The following TSPAN3 variants were observed in gnomAD, a reference collection of about 807,000 sequenced individuals.
TSPAN3 encodes tetraspanin 3, also known as tetraspanin-3.
In TSPAN3, 9 loss-of-function variants were observed where a neutral mutation model predicts 31.1. The ratio of observed to expected loss-of-function variants is 0.29; its 90% CI spans 0.17 to 0.50. TSPAN3 has a LOEUF of 0.50. Among genes scored for constraint, TSPAN3 ranks in the 20% least tolerant of loss-of-function variants. The pLI is 0.98. For synonymous variants in TSPAN3, 129 were observed against 114.3 expected (o/e 1.13, Z -0.82); for missense variants, 252 against 313.5 (o/e 0.80, Z 1.48).
intron 6 of TSPAN3, among the ~76,000 whole-genome samples, chr15:77,051,491 G>A (rs1470034776): frequency 6.6e-6 from 1 of 150,486 alleles, no homozygotes; most frequent in Non-Finnish European, 1.5e-5. Context: ...TCACACCATT[G>A]CACTCTAGCC....
intron 1 of TSPAN3, among the ~76,000 whole-genome samples, chr15:77,068,770 G>A (rs1476540648): frequency 6.6e-6 from 1 of 152,168 alleles, no homozygotes; most frequent in East Asian, 1.9e-4. Context: ...GTTTGTTGAG[G>A]ATGATGGCTT....
In TSPAN3 at chr15:77,070,872, C is replaced by T; in HGVS notation, c.63+20G>A. On this transcript the variant is annotated intron_variant, in intron 1 of 6. Transcript: ENST00000267970. ...GCCCGGCCCCGCCGCCGGCCCCTCG[C>T]TCTGCCCGGCCCCGCTCACCCAGAA... 7.5e-7 allele frequency: 1 copy of T among 1,327,186 alleles called. No homozygotes were observed. Among genetic ancestry groups the T allele is most frequent in the East Asian group, 3.4e-5 (1 of 29,398 alleles). 82.2% of individuals were successfully genotyped at this position (1,327,186 alleles called of 1,614,324 possible).
chr15:77,063,448 G>A (rs1363394893), intron 1 of TSPAN3: 1 of 151,826 alleles, frequency 6.6e-6, no homozygotes, highest in Non-Finnish European at 1.5e-5. Context: ...CCTTCCCTCA[G>A]GGGATCCTCT....
At chr15:77,069,615 T>C (rs1351908311) in intron 1 of TSPAN3, among the ~76,000 whole-genome samples, 2 of 152,220 alleles carry the variant, frequency 1.3e-5, no homozygotes, top group Non-Finnish European at 2.9e-5. Context: ...CGAAGGACTC[T>C]GGCAATACAA....
rs1457793552 is a variant in TSPAN3 at position 77,044,617 on chromosome 15, C to T, written c.*2218G>A. ...CACACGGGAGGAGGCTGCTCTCTCA[C>T]CAGGCAAACTGAGGACTGAGTACAG... is the stretch of plus-strand genomic sequence containing the variant. On this transcript the variant is annotated 3_prime_UTR_variant, in exon 7 of 7. Coordinates refer to ENST00000267970, the MANE Select transcript of TSPAN3 (RefSeq NM_005724.6). The T allele has an allele frequency of 1.3e-5, 2 of 152,246 alleles. No homozygotes were observed. Among genetic ancestry groups the T allele is most frequent in the East Asian group, 1.9e-4 (1 of 5,206 alleles). 9.4% of individuals were successfully genotyped at this position (152,246 alleles called of 1,614,324 possible). A position where few individuals can be genotyped will look rare whatever the true frequency, so the allele number is the denominator to read the frequency against.
intron 4 of TSPAN3, among the ~76,000 whole-genome samples, chr15:77,053,271 G>A (rs1392424822): frequency 2.0e-5 from 3 of 151,546 alleles, no homozygotes; most frequent in Admixed American, 6.6e-5. Flanking sequence ...CGAGATGGGC[G>A]AGTCACCTGA....
chr15:77,052,470 T>C lies in TSPAN3; in HGVS notation c.586-2A>G, dbSNP rs2076738774. The C allele has an allele frequency of 6.2e-7, 1 of 1,613,418 alleles. No individual in the cohort carries two copies. Among genetic ancestry groups the C allele is most frequent in the South Asian group, 1.1e-5 (1 of 91,072 alleles). ...CTTCACTACTAGAGCCTCACACCCC[T>C]GTAACAAACACAGTCATCCTCGTTA... On this transcript the variant is annotated splice_acceptor_variant, in intron 5 of 6. Coordinates refer to ENST00000267970, the MANE Select transcript of TSPAN3 (RefSeq NM_005724.6). LOFTEE classifies it high-confidence loss of function.
At chr15:77,056,372 T>TTTACTGAAA in intron 1 of TSPAN3, 117 bp from the exon 2 acceptor site, 2 of 726,246 alleles carry the variant, frequency 2.8e-6, no homozygotes, top group Non-Finnish European at 4.1e-6. Flanking sequence ...CTTTTTTCAG[T>TTTACTGAAA]AAAGCTGAAA....
At chr15:77,053,451 CAAAAAAAAAAAAAAAAAAAAAAAAA>C (rs60483848) in intron 4 of TSPAN3, among the ~76,000 whole-genome samples, 21,405 of 50,886 alleles carry the variant, frequency 0.42, 2,113 homozygotes, top group Middle Eastern at 0.54. Context: ...TTCGCCATCT[CAAAAAAAAAAAAAAAAAAAAAAAAA>C]AAAAAAAAAA....
intron 6 of TSPAN3, among the ~76,000 whole-genome samples, chr15:77,049,286 C>T (rs973991122): frequency 1.3e-5 from 2 of 152,076 alleles, no homozygotes; most frequent in African/African-American, 2.4e-5. Flanking sequence ...GCTTCACATG[C>T]GGCACAGAGA....
chr15:77,069,425 C>A lies in TSPAN3; in HGVS notation c.63+1467G>T, dbSNP rs540434130. Among the ~76,000 whole-genome samples the A allele has an allele frequency of 9.2e-5, 14 of 152,104 alleles. No individual in the cohort carries two copies. The South Asian group carries it at 1.5e-3, about 16-fold the overall frequency. On this transcript the variant is annotated intron_variant, in intron 1 of 6. Coordinates refer to ENST00000267970, the MANE Select transcript of TSPAN3 (RefSeq NM_005724.6). The stretch of plus-strand genomic sequence containing the variant: ...TTCTATATGTGCATTTCATTCTTCA[C>A]AATAAACTCAAGAAACTGAAAAAAT...
rs539770376 is a variant in TSPAN3, at chr15:77,069,298, T to C, written c.63+1594A>G. 3.9e-5 allele frequency among the ~76,000 whole-genome samples: 6 copies of C among 152,284 alleles called. No homozygotes were observed. The East Asian group carries it at 1.2e-3, about 29-fold the overall frequency. ...GCATAAGTAGCAGTAGGTATATAGA[T>C]ACGTATTAAATTAGCAAAAGATGCC... On this transcript the variant is annotated intron_variant, in intron 1 of 6. Coordinates refer to ENST00000267970, the MANE Select transcript of TSPAN3 (RefSeq NM_005724.6).
At chr15:77,057,812 T>C (rs1412653843) in intron 1 of TSPAN3, among the ~76,000 whole-genome samples, 1 of 152,178 alleles carries the variant, frequency 6.6e-6, no homozygotes, top group Non-Finnish European at 1.5e-5. Context: ...TCATTAGTCA[T>C]TGTAGCTCAC....
At chr15:77,054,764 G>A (rs2076757247) in intron 3 of TSPAN3, 1 of 152,172 alleles carries the variant, frequency 6.6e-6, no homozygotes, top group Non-Finnish European at 1.5e-5. Context: ...AAAAGTAATC[G>A]GCAGGTTTAA....
intron 1 of TSPAN3, chr15:77,064,439 A>AAT (rs1427120933): frequency 6.6e-6 from 1 of 152,258 alleles, no homozygotes; most frequent in African/African-American, 2.4e-5. Context: ...TGAAAAAAAA[A>AAT]ATCAAACAAG....
Position 77,054,220 on chromosome 15 carries a change from G to A in TSPAN3, c.390C>T (p.Asn130=). The change falls in exon 4 of 7, where the codon AAC becomes AAT. Residue 130 remains asparagine, a synonymous_variant. Coordinates refer to ENST00000267970, the MANE Select transcript of TSPAN3 (RefSeq NM_005724.6). ...CAATAGCCCGGCTAGCAGCATCAGG[G>A]TTGGTTCCATTGTAGGTCTTATACA... The part of the protein sequence containing the change: ...QKVYKTYNGT[N]PDAASRAIDY... The A allele has an allele frequency of 6.2e-7, 1 of 1,613,944 alleles. No individual in the cohort carries two copies. Among genetic ancestry groups the A allele is most frequent in the Non-Finnish European group, 8.5e-7 (1 of 1,179,926 alleles).
Position 77,044,175 on chromosome 15 carries a change from C to T in TSPAN3, c.*2660G>A, listed in dbSNP as rs1403362916. The T allele has an allele frequency of 6.6e-6, 1 of 152,350 alleles. No homozygotes were observed. Among genetic ancestry groups the T allele is most frequent in the East Asian group, 1.9e-4 (1 of 5,186 alleles). 9.4% of individuals were successfully genotyped at this position (152,350 alleles called of 1,614,324 possible). On this transcript the variant is annotated 3_prime_UTR_variant, in exon 7 of 7. Coordinates refer to ENST00000267970, the MANE Select transcript of TSPAN3 (RefSeq NM_005724.6). ...CACACCCTAGAGCACCTTAGATGCT[C>T]TGGGACCCAGGCATCTGTAGTTCTC...
At chr15:77,050,807 A>G (rs1456909906) in intron 6 of TSPAN3, among the ~76,000 whole-genome samples, 1 of 152,366 alleles carries the variant, frequency 6.6e-6, no homozygotes, top group South Asian at 2.1e-4. Context: ...ACTGCTATGC[A>G]GAGCTACAGA....
At position 77,046,658 on chromosome 15, in the gene TSPAN3, A is replaced by T; in HGVS notation, c.*177T>A. On this transcript the variant is annotated 3_prime_UTR_variant, in exon 7 of 7. Coordinates refer to ENST00000267970, the MANE Select transcript of TSPAN3 (RefSeq NM_005724.6). ...ATGAAGAGTCAGCTAGAACAAGGAA[A>T]AAGAAAGTCGCAGGTAGTAGGTAAG... 1 of 569,290 alleles carries T rather than the reference A, an allele frequency of 1.8e-6. No individual in the cohort carries two copies. The allele number at this position is 569,290 out of a possible 1,614,324, so 35.3% of individuals were successfully genotyped here.
Sources: allele counts gnomAD v4.1 joint callset (sites outside exome capture counted in the v4.1 genomes callset), GRCh38; gene constraint gnomAD v4.1.1; transcripts MANE v1.5; gene names NCBI Gene and HGNC (gene_info 2026-07-23, HGNC 2026-07-21).